Variants in ANKRD6 observed in about 807,000 individuals in gnomAD.
ANKRD6 encodes the protein ankyrin repeat domain 6.
A neutral mutation model predicts 82.3 loss-of-function variants in ANKRD6; 56 were observed. The ratio of observed to expected loss-of-function variants is 0.68; its 90% CI spans 0.55 to 0.85. ANKRD6 has a LOEUF of 0.85. ANKRD6 is among the 40% of genes least tolerant of loss of function. The probability of loss-of-function intolerance (pLI) is 0.00; values close to 1 mark genes in which losing one functional copy is unlikely to be tolerated. For synonymous variants in ANKRD6, 347 were observed against 352.1 expected, an observed-to-expected ratio of 0.99 and a Z score of 0.16; for missense variants, 852 against 907.6, an observed-to-expected ratio of 0.94 and a Z score of 0.79.
At chr6:89,539,645 C>T (rs554796096) in intron 1 of ANKRD6, among the ~76,000 whole-genome samples, 7 of 152,156 alleles carry the variant, frequency 4.6e-5, no homozygotes, top group South Asian at 2.1e-4. Context: ...TGTCCATCCC[C>T]TCAAACATTT....
chr6:89,470,931 G>A (rs1466127972), intron 1 of ANKRD6, among the ~76,000 whole-genome samples: 1 of 152,110 alleles, frequency 6.6e-6, no homozygotes, highest in Non-Finnish European at 1.5e-5. Flanking sequence ...ATGTTGTCCA[G>A]TCACCCTAAT....
rs756198843 is a variant in ANKRD6, at chr6:89,503,585, G to T, written c.-143-63249G>T. 1.0e-3 allele frequency among the ~76,000 whole-genome samples: 157 copies of T among 152,266 alleles called. 3 individuals carry two copies. The highest frequency in any genetic ancestry group is 3.0e-3 in the Admixed American group (46 of 15,298). ...TCATCAAATTCAATAAATATTAAGT[G>T]CCTGCTATATGTGGCTGATATAGGC... On this transcript the variant is annotated intron_variant, in intron 1 of 15. Coordinates refer to ENST00000339746, the MANE Select transcript of ANKRD6 (RefSeq NM_001242809.2).
chr6:89,563,577 A>G (rs549453595), intron 1 of ANKRD6, among the ~76,000 whole-genome samples: 1 of 152,194 alleles, frequency 6.6e-6, no homozygotes, highest in Non-Finnish European at 1.5e-5. Context: ...AGATATAAGG[A>G]GGGGATGAAC....
intron 1 of ANKRD6, among the ~76,000 whole-genome samples, chr6:89,479,885 T>G (rs546055320): frequency 6.6e-6 from 1 of 152,304 alleles, no homozygotes; most frequent in South Asian, 2.1e-4. Context: ...CAAGTGAAAT[T>G]TATTAACAAA....
intron 1 of ANKRD6, among the ~76,000 whole-genome samples, chr6:89,539,328 C>T (rs928624285): frequency 2.4e-4 from 37 of 151,906 alleles, no homozygotes; most frequent in Admixed American, 3.3e-4. Context: ...TTTTTTTCTA[C>T]GGTGATTGTT....
At chr6:89,539,105 G>A (rs2128002005) in intron 1 of ANKRD6, among the ~76,000 whole-genome samples, 1 of 152,214 alleles carries the variant, frequency 6.6e-6, no homozygotes, top group Non-Finnish European at 1.5e-5. Flanking sequence ...TTCATTGAAA[G>A]ATAATTTAAA....
At chr6:89,488,150 A>G (rs1007324443) in intron 1 of ANKRD6, among the ~76,000 whole-genome samples, 1 of 152,152 alleles carries the variant, frequency 6.6e-6, no homozygotes, top group Non-Finnish European at 1.5e-5. Context: ...TCTCTACAGC[A>G]TGTTGTGACC....
intron 1 of ANKRD6, among the ~76,000 whole-genome samples, chr6:89,543,497 G>A (rs1784675641): frequency 6.6e-6 from 1 of 152,210 alleles, no homozygotes. Context: ...TTTAGATCCT[G>A]TGGTGTCAGG....
chr6:89,500,844 G>A (rs192901705), intron 1 of ANKRD6, among the ~76,000 whole-genome samples: 17 of 152,162 alleles, frequency 1.1e-4, no homozygotes, highest in Non-Finnish European at 2.2e-4. Context: ...GTTGATTCTT[G>A]TTGTATTTTG....
chr6:89,503,896 C>T (rs1172431643), intron 1 of ANKRD6, among the ~76,000 whole-genome samples: 1 of 151,986 alleles, frequency 6.6e-6, no homozygotes. Context: ...AGCAAGGAGG[C>T]TGGTGTGGCC....
chr6:89,506,366 G>A (rs998535353), intron 1 of ANKRD6, among the ~76,000 whole-genome samples: 5 of 152,094 alleles, frequency 3.3e-5, no homozygotes, highest in African/African-American at 7.2e-5. Context: ...CCAGGCTGGG[G>A]TGCAGTGGCG....
chr6:89,612,912 C>CTAAA (rs1583772938), intron 6 of ANKRD6, among the ~76,000 whole-genome samples: 1 of 152,146 alleles, frequency 6.6e-6, no homozygotes, highest in South Asian at 2.1e-4. Flanking sequence ...GCCACGTTGG[C>CTAAA]TAAATAAATA....
chr6:89,450,149 C>A (rs906185098), intron 1 of ANKRD6, among the ~76,000 whole-genome samples: 21 of 152,112 alleles, frequency 1.4e-4, no homozygotes, highest in African/African-American at 5.1e-4. Flanking sequence ...CCAGCCTGGC[C>A]AGCGTAGTGA....
At chr6:89,492,858 T>C (rs2127847903) in intron 1 of ANKRD6, among the ~76,000 whole-genome samples, 1 of 152,340 alleles carries the variant, frequency 6.6e-6, no homozygotes, top group East Asian at 1.9e-4. Context: ...TTAAATTTTA[T>C]ATCTACCAGT....
At chr6:89,455,152 T>TGTG (rs113211011) in intron 1 of ANKRD6, among the ~76,000 whole-genome samples, 10 of 139,710 alleles carry the variant, frequency 7.2e-5, no homozygotes, top group Middle Eastern at 3.4e-3. Flanking sequence ...TGTGTGTGTG[T>TGTG]TTTTTTTTTT....
At chr6:89,569,618 G>A (rs1345636300) in intron 2 of ANKRD6, among the ~76,000 whole-genome samples, 1 of 152,182 alleles carries the variant, frequency 6.6e-6, no homozygotes, top group East Asian at 1.9e-4. Flanking sequence ...CCTAGGAGTG[G>A]AATTGCTGGG....
intron 1 of ANKRD6, among the ~76,000 whole-genome samples, chr6:89,531,900 T>A (rs967801774): frequency 2.0e-5 from 3 of 152,208 alleles, no homozygotes; most frequent in Admixed American, 2.0e-4. Flanking sequence ...GTTGGCATGC[T>A]GGAAACCCAG....
In ANKRD6 at chr6:89,502,707, C is replaced by A. The variant is rs556485696; in HGVS notation, c.-143-64127C>A. Among the ~76,000 whole-genome samples, 41 of 152,148 alleles carry A rather than the reference C, an allele frequency of 2.7e-4. No homozygotes were observed. The South Asian group carries it at 5.6e-3, about 21-fold the overall frequency. ...CCCTTTTTGAGCTTTTGGCTATTGT[C>A]AAGAAAATATAGCAATTAAATCCCA... On this transcript the variant is annotated intron_variant, in intron 1 of 15. Transcript: ENST00000339746.
intron 1 of ANKRD6, among the ~76,000 whole-genome samples, chr6:89,456,143 G>T (rs1206470623): frequency 1.3e-5 from 2 of 152,172 alleles, no homozygotes; most frequent in African/African-American, 4.8e-5. Flanking sequence ...CCAAAGTTAA[G>T]TATTTCTTTA....
Sources: allele counts gnomAD v4.1 joint callset (sites outside exome capture counted in the v4.1 genomes callset), GRCh38; gene constraint gnomAD v4.1.1; transcripts MANE v1.5; gene names NCBI Gene and HGNC (gene_info 2026-07-23, HGNC 2026-07-21).